CTSC: variants seen among roughly 807,000 people sequenced by gnomAD.
CTSC encodes the protein cathepsin C, also known as dipeptidyl peptidase 1.
Under a neutral mutation model 40.9 loss-of-function variants are expected in CTSC, and 37 were observed. That is an observed-to-expected ratio of 0.91 (90% CI 0.70 to 1.19). The LOEUF (loss-of-function observed/expected upper bound fraction) is 1.19, where lower values mean the gene tolerates loss of function less well. Among genes scored for constraint, CTSC ranks in the 50% most tolerant of loss-of-function variants. CTSC has a pLI of 0.00. For synonymous variants in CTSC, 232 were observed against 207.4 expected, an observed-to-expected ratio of 1.12 and a Z score of -1.02; for missense variants, 594 against 567.3, an observed-to-expected ratio of 1.05 and a Z score of -0.48.
Position 88,306,481 on chromosome 11 carries a change from A to G in CTSC, c.641+2682T>C, listed in dbSNP as rs1427871597. Among the ~76,000 whole-genome samples, 4 of 151,394 alleles carry G rather than the reference A, an allele frequency of 2.6e-5. No homozygotes were observed. The East Asian group carries it at 7.8e-4, about 30-fold the overall frequency. On this transcript the variant is annotated intron_variant, in intron 4 of 6. Transcript: ENST00000227266. ...ACCCAAAATCTTAGCAGGCACAGAT[A>G]CAAGGAGCTGAACATCCAGAGGAGC...
chr11:88,313,531 TCC>T (rs1168027495), intron 2 of CTSC, among the ~76,000 whole-genome samples: 1 of 152,212 alleles, frequency 6.6e-6, no homozygotes, highest in Non-Finnish European at 1.5e-5. Flanking sequence ...TTTTAACAGA[TCC>T]AGGATTTGAA....
At chr11:88,336,384 A>G (rs559966010) in intron 1 of CTSC, among the ~76,000 whole-genome samples, 3 of 152,016 alleles carry the variant, frequency 2.0e-5, no homozygotes, top group Non-Finnish European at 4.4e-5. Flanking sequence ...CTAAAAATAC[A>G]AAATATTAGC....
intron 1 of CTSC, among the ~76,000 whole-genome samples, chr11:88,335,727 C>A (rs549877431): frequency 6.6e-6 from 1 of 151,936 alleles, no homozygotes; most frequent in Non-Finnish European, 1.5e-5. Flanking sequence ...CTTCCAGAAA[C>A]GGAGAAAAGG....
intron 2 of CTSC, chr11:88,320,857 A>ATTATTCACGATATATGACT (rs1937989318): frequency 2.4e-6 from 2 of 819,502 alleles, no homozygotes; most frequent in African/African-American, 3.7e-5. Flanking sequence ...TTGAAGGCTT[A>ATTATTCACGATATATGACT]TTATTGGTCA....
intron 3 of CTSC, among the ~76,000 whole-genome samples, chr11:88,311,682 CAG>C (rs2134785336): frequency 6.6e-6 from 1 of 152,292 alleles, no homozygotes; most frequent in South Asian, 2.1e-4. Context: ...TATTTGGAGA[CAG>C]AGCTTTAAAG....
chr11:88,299,897 C>T (rs1944339253), intron 5 of CTSC: 1 of 152,336 alleles, frequency 6.6e-6, no homozygotes, highest in Admixed American at 6.5e-5. Context: ...ATGAAATCAA[C>T]TCACATTGTA....
At chr11:88,337,470 G>T in intron 1 of CTSC, 31 bp downstream of exon 1, 3 of 1,555,302 alleles carry the variant, frequency 1.9e-6, no homozygotes, top group South Asian at 1.2e-5. Context: ...CAGAAAGGAC[G>T]ACCCGGAGGA....
intron 2 of CTSC, among the ~76,000 whole-genome samples, chr11:88,330,121 A>G (rs1396395698): frequency 6.6e-6 from 1 of 152,208 alleles, no homozygotes; most frequent in Non-Finnish European, 1.5e-5. Context: ...TGGCCTGTAG[A>G]TAGTATTGTC....
intron 5 of CTSC, chr11:88,298,063 AC>A (rs2134768085): frequency 6.6e-6 from 1 of 152,062 alleles, no homozygotes; most frequent in African/African-American, 2.4e-5. Context: ...ACCTTTTGAC[AC>A]TGTTTTTTTC....
intron 2 of CTSC, among the ~76,000 whole-genome samples, chr11:88,317,456 A>T (rs1937905401): frequency 6.6e-6 from 1 of 152,290 alleles, no homozygotes; most frequent in Middle Eastern, 3.4e-3. Flanking sequence ...TAATGTATCA[A>T]TTTTAGAACC....
rs78179707 is a variant in CTSC, at chr11:88,312,268, C to T, written c.485+120G>A. 3.6e-4 allele frequency: 337 copies of T among 933,292 alleles called. 1 individual carries two copies. In the African/African-American group the frequency reaches 5.1e-3, roughly 14 times the overall value. 57.8% of individuals were successfully genotyped at this position (933,292 alleles called of 1,614,324 possible). A position where few individuals can be genotyped will look rare whatever the true frequency, so the allele number is the denominator to read the frequency against. On this transcript the variant is annotated intron_variant, in intron 3 of 6. Transcript: ENST00000227266. Reference sequence around the variant, plus strand: ...TTCCAGTAAGGTTTTACATAGCATGCCTAATATTTCTAAGCCAAAGATATT... The same window carrying T: ...TTCCAGTAAGGTTTTACATAGCATGTCTAATATTTCTAAGCCAAAGATATT...
At position 88,328,278 on chromosome 11, in the gene CTSC, C is replaced by T. The variant is rs573983069; in HGVS notation, c.318+6659G>A. 5.4e-5 allele frequency: 52 copies of T among 955,794 alleles called. 1 individual carries two copies. The East Asian group carries it at 1.1e-3, about 21-fold the overall frequency. 59.2% of individuals were successfully genotyped at this position (955,794 alleles called of 1,614,324 possible). A position where few individuals can be genotyped will look rare whatever the true frequency, so the allele number is the denominator to read the frequency against. On this transcript the variant is annotated intron_variant, in intron 2 of 6. Coordinates refer to ENST00000227266, the MANE Select transcript of CTSC (RefSeq NM_001814.6). ...TGAAAGAAGACATAAAATAGTTAGG[C>T]AGGCACTCAGTGCTAAACTTCTGAT...
At chr11:88,329,467 A>AC (rs1455912519) in intron 2 of CTSC, among the ~76,000 whole-genome samples, 4 of 145,966 alleles carry the variant, frequency 2.7e-5, no homozygotes, top group Non-Finnish European at 5.9e-5. Flanking sequence ...AAAAAAAAAA[A>AC]AAAAAAAAAA....
chr11:88,318,315 CT>C (rs1384907459), intron 2 of CTSC, among the ~76,000 whole-genome samples: 2 of 152,146 alleles, frequency 1.3e-5, no homozygotes, highest in Non-Finnish European at 2.9e-5. Context: ...GCCTCAGTTA[CT>C]TTATCTGAAA....
intron 4 of CTSC, among the ~76,000 whole-genome samples, chr11:88,301,777 C>A (rs898108186): frequency 2.0e-5 from 3 of 147,640 alleles, no homozygotes; most frequent in African/African-American, 5.1e-5. Flanking sequence ...TTCACACATA[C>A]ATACACATGC....
intron 2 of CTSC, among the ~76,000 whole-genome samples, chr11:88,314,435 TG>T (rs1378292902): frequency 6.6e-6 from 1 of 152,174 alleles, no homozygotes; most frequent in Non-Finnish European, 1.5e-5. Flanking sequence ...GGACTTGAAT[TG>T]TGGGAATCAC....
At chr11:88,318,259 C>T (rs1937922233) in intron 2 of CTSC, among the ~76,000 whole-genome samples, 1 of 152,210 alleles carries the variant, frequency 6.6e-6, no homozygotes, top group Non-Finnish European at 1.5e-5. Flanking sequence ...TAAATCCAGT[C>T]TGTCACTTAT....
At position 88,337,724 on chromosome 11, in the gene CTSC, G is replaced by C; in HGVS notation, c.-52C>G. On this transcript the variant is annotated 5_prime_UTR_variant, in exon 1 of 7. Coordinates refer to ENST00000227266, the MANE Select transcript of CTSC (RefSeq NM_001814.6). ...AAGAATTACCAGGAAGCCGAGCGCT[G>C]CGGGCTAGCGGTGAGTCCACCACGA... The C allele has an allele frequency of 6.5e-7, 1 of 1,545,446 alleles. No individual in the cohort carries two copies. Among genetic ancestry groups the C allele is most frequent in the Non-Finnish European group, 8.7e-7 (1 of 1,143,718 alleles).
At chr11:88,325,026 GA>G in intron 2 of CTSC, 1 of 985,146 alleles carries the variant, frequency 1.0e-6, no homozygotes, top group Non-Finnish European at 1.2e-6. Context: ...TGCAAGAGAG[GA>G]AAGTCCACCC....
Sources: allele counts gnomAD v4.1 joint callset (sites outside exome capture counted in the v4.1 genomes callset), GRCh38; gene constraint gnomAD v4.1.1; transcripts MANE v1.5; gene names NCBI Gene and HGNC (gene_info 2026-07-23, HGNC 2026-07-21).